PLPP1: variants seen among roughly 807,000 people sequenced by gnomAD.
PLPP1 encodes the protein phospholipid phosphatase 1.
PLPP1 carries 24 observed loss-of-function variants against 31.2 expected under a neutral mutation model. The observed-to-expected ratio is 0.77, with a 90% CI of 0.56 to 1.08. The LOEUF (loss-of-function observed/expected upper bound fraction) is 1.08. Ranked by LOEUF, PLPP1 falls within the 50% of genes least tolerant of loss-of-function variation. The probability of loss-of-function intolerance (pLI) is 0.00; values close to 1 mark genes in which losing one functional copy is unlikely to be tolerated. For synonymous variants in PLPP1, 146 were observed against 126.3 expected (o/e 1.16, Z -1.05); for missense variants, 319 against 342.7 (o/e 0.93, Z 0.55).
chr5:55,491,673 T>C (rs1368680316), intron 1 of PLPP1, among the ~76,000 whole-genome samples: 3 of 151,586 alleles, frequency 2.0e-5, no homozygotes, highest in African/African-American at 7.3e-5. Flanking sequence ...GCCTGGCCAA[T>C]ATGATGAAAC....
intron 1 of PLPP1, among the ~76,000 whole-genome samples, chr5:55,532,532 A>G (rs1487960649): frequency 6.6e-6 from 1 of 152,232 alleles, no homozygotes; most frequent in African/African-American, 2.4e-5. Context: ...CAAAGTTCCA[A>G]TGACATCAAG....
chr5:55,515,125 A>G (rs1355763941), intron 1 of PLPP1, among the ~76,000 whole-genome samples: 2 of 152,268 alleles, frequency 1.3e-5, no homozygotes, highest in Non-Finnish European at 2.9e-5. Flanking sequence ...CAGTATTACC[A>G]GGCTCCAATC....
chr5:55,527,609 G>C (rs1183851112), intron 1 of PLPP1, among the ~76,000 whole-genome samples: 1 of 152,178 alleles, frequency 6.6e-6, no homozygotes, highest in Non-Finnish European at 1.5e-5. Flanking sequence ...AAGAAAAGCA[G>C]CATACTCAAA....
chr5:55,432,975 A>G (rs1751395445), intron 4 of PLPP1, among the ~76,000 whole-genome samples: 1 of 152,002 alleles, frequency 6.6e-6, no homozygotes, highest in Admixed American at 6.6e-5. Flanking sequence ...CCTATTCAGC[A>G]TAGCAGTGAA....
At chr5:55,504,492 T>C (rs1579971411) in intron 1 of PLPP1, among the ~76,000 whole-genome samples, 1 of 115,678 alleles carries the variant, frequency 8.6e-6, no homozygotes, top group African/African-American at 3.5e-5. Context: ...GCCACTCCAC[T>C]CCAGTCTGGG....
At chr5:55,442,387 C>G (rs796716023) in intron 3 of PLPP1, among the ~76,000 whole-genome samples, 10 of 152,302 alleles carry the variant, frequency 6.6e-5, no homozygotes, top group African/African-American at 2.4e-4. Context: ...AGCGCAGTGG[C>G]TCAGTCCTGT....
intron 1 of PLPP1, among the ~76,000 whole-genome samples, chr5:55,512,836 C>T (rs1753467998): frequency 2.0e-5 from 3 of 152,110 alleles, no homozygotes; most frequent in Non-Finnish European, 2.9e-5. Flanking sequence ...TGTACAAGAA[C>T]ATTTCACCAA....
chr5:55,518,137 G>A (rs565354084), intron 1 of PLPP1, among the ~76,000 whole-genome samples: 22 of 152,096 alleles, frequency 1.4e-4, no homozygotes, highest in Admixed American at 7.9e-4. Flanking sequence ...CCAGCCCTAA[G>A]ACTGCATTAT....
chr5:55,476,085 C>A (rs1324634037), intron 1 of PLPP1, among the ~76,000 whole-genome samples: 1 of 150,916 alleles, frequency 6.6e-6, no homozygotes, highest in African/African-American at 2.4e-5. Flanking sequence ...CTCAAGCTAT[C>A]CTCCCGCTTC....
chr5:55,454,179 A>T (rs895080189), intron 3 of PLPP1, among the ~76,000 whole-genome samples: 4 of 152,132 alleles, frequency 2.6e-5, no homozygotes, highest in African/African-American at 9.7e-5. Context: ...CAGAAGCAAA[A>T]CATTGCTTCT....
chr5:55,490,419 G>C (rs1752865279), intron 1 of PLPP1, among the ~76,000 whole-genome samples: 1 of 151,886 alleles, frequency 6.6e-6, no homozygotes, highest in Non-Finnish European at 1.5e-5. Flanking sequence ...CAAAGTGCTG[G>C]GATTACAGGT....
Position 55,482,746 on chromosome 5 carries a change from T to A in PLPP1, c.59-7296A>T, listed in dbSNP as rs185235049. Among the ~76,000 whole-genome samples the A allele has an allele frequency of 3.1e-3, 473 of 152,284 alleles. 4 individuals carry two copies. The highest frequency in any genetic ancestry group is 6.8e-3 in the Middle Eastern group (2 of 294). On this transcript the variant is annotated intron_variant, in intron 1 of 5. Coordinates refer to ENST00000307259, the MANE Select transcript of PLPP1 (RefSeq NM_003711.4). Reference sequence around the variant, plus strand: ...TGCAGGGTAAAATTCTAAAGCCACTTCGCCATAAGAACACTTTACTTATAT... The same window carrying A: ...TGCAGGGTAAAATTCTAAAGCCACTACGCCATAAGAACACTTTACTTATAT...
Position 55,528,043 on chromosome 5 carries a change from C to T in PLPP1, c.58+6529G>A, listed in dbSNP as rs546886085. On this transcript the variant is annotated intron_variant, in intron 1 of 5. Coordinates refer to ENST00000307259, the MANE Select transcript of PLPP1 (RefSeq NM_003711.4). Reference sequence around the variant, plus strand: ...GATCTGGAAGGGCAAATGGAACACACACAGCACAGAAAGATATTCTAAATG... The same window carrying T: ...GATCTGGAAGGGCAAATGGAACACATACAGCACAGAAAGATATTCTAAATG... Among the ~76,000 whole-genome samples, 25 of 152,166 alleles carry T rather than the reference C, an allele frequency of 1.6e-4. 1 individual carries two copies. The highest frequency in any genetic ancestry group is 5.8e-4 in the African/African-American group (24 of 41,432).
chr5:55,432,521 T>C (rs1355008314), intron 4 of PLPP1, among the ~76,000 whole-genome samples: 1 of 152,154 alleles, frequency 6.6e-6, no homozygotes, highest in African/African-American at 2.4e-5. Flanking sequence ...TCTCCCTAAC[T>C]CATTTCATGA....
intron 3 of PLPP1, among the ~76,000 whole-genome samples, chr5:55,451,284 C>T (rs1279571326): frequency 2.0e-5 from 3 of 152,018 alleles, no homozygotes; most frequent in African/African-American, 4.8e-5. Context: ...ATTAGGCAGG[C>T]GTGATAGTAA....
At position 55,457,918 on chromosome 5, in the gene PLPP1, A is replaced by AT. The variant is rs1216602766; in HGVS notation, c.491+9950dup. Among the ~76,000 whole-genome samples the AT allele has an allele frequency of 2.6e-5, 4 of 152,050 alleles. No individual in the cohort carries two copies. The South Asian group carries it at 8.3e-4, about 32-fold the overall frequency. On this transcript the variant is annotated intron_variant, in intron 3 of 5. Coordinates refer to ENST00000307259, the MANE Select transcript of PLPP1 (RefSeq NM_003711.4). Reference sequence around the variant, plus strand: ...AAAAAAAAAAATCATTTACAATGACATTTTCTAGACTTTAGGTACACTCAT... The same window carrying AT: ...AAAAAAAAAAATCATTTACAATGACATTTTTCTAGACTTTAGGTACACTCAT...
chr5:55,475,035 G>A (rs540231978), intron 2 of PLPP1, among the ~76,000 whole-genome samples: 2 of 151,798 alleles, frequency 1.3e-5, no homozygotes, highest in Non-Finnish European at 2.9e-5. Flanking sequence ...CCAACTCCGA[G>A]ACTCAAGCGA....
rs879081607 is a variant in PLPP1 at position 55,425,010 on chromosome 5, T to A, written c.*196A>T. On this transcript the variant is annotated 3_prime_UTR_variant, in exon 6 of 6. Transcript: ENST00000307259. ...TTTGGTGGAAGGCTTGGAGTTTTTT[T>A]AATGAGTTTAGAGCTATTAGATAAC... The A allele has an allele frequency of 1.3e-6, 1 of 778,732 alleles. No individual in the cohort carries two copies. Among genetic ancestry groups the A allele is most frequent in the Non-Finnish European group, 2.0e-6 (1 of 498,750 alleles). The allele number at this position is 778,732 out of a possible 1,614,324, so 48.2% of individuals were successfully genotyped here.
At chr5:55,497,270 G>C (rs1412041167) in intron 1 of PLPP1, among the ~76,000 whole-genome samples, 2 of 152,060 alleles carry the variant, frequency 1.3e-5, no homozygotes, top group Non-Finnish European at 2.9e-5. Flanking sequence ...TTAAGAGACT[G>C]GGTCTTACTC....
Sources: gnomAD v4.1 joint callset for allele counts (sites outside exome capture counted in the v4.1 genomes callset) on GRCh38, gnomAD v4.1.1 for gene constraint, MANE v1.5 for transcripts, NCBI Gene and HGNC (gene_info 2026-07-23, HGNC 2026-07-21) for gene names.